SLC1A2: variants seen among roughly 807,000 people sequenced by gnomAD.
SLC1A2 encodes the protein excitatory amino acid transporter 2.
In SLC1A2, 15 loss-of-function variants were observed where a neutral mutation model predicts 48.8. The ratio of observed to expected loss-of-function variants is 0.31; its 90% CI spans 0.21 to 0.47. SLC1A2 has a LOEUF of 0.47. Ranked by LOEUF, SLC1A2 falls within the 20% of genes least tolerant of loss-of-function variation. The probability of loss-of-function intolerance (pLI) is 0.99; values close to 1 mark genes in which losing one functional copy is unlikely to be tolerated. For missense variants in SLC1A2, 502 were observed against 730.5 expected, an observed-to-expected ratio of 0.69 and a Z score of 3.61; for synonymous variants, 279 against 272.6, an observed-to-expected ratio of 1.02 and a Z score of -0.23.
chr11:35,380,983 GA>G (rs1854402743), intron 1 of SLC1A2, among the ~76,000 whole-genome samples: 1 of 152,178 alleles, frequency 6.6e-6, no homozygotes. Context: ...AGAAGGAAAA[GA>G]AAAGAAAACT....
chr11:35,360,972 C>G (rs886350423), intron 1 of SLC1A2, among the ~76,000 whole-genome samples: 1 of 151,982 alleles, frequency 6.6e-6, no homozygotes, highest in Non-Finnish European at 1.5e-5. Context: ...ACCTCCCGGG[C>G]TCAAGTGATT....
chr11:35,314,519 C>T (rs1851806126), intron 3 of SLC1A2, among the ~76,000 whole-genome samples: 1 of 152,088 alleles, frequency 6.6e-6, no homozygotes, highest in Non-Finnish European at 1.5e-5. Flanking sequence ...TCGAGACCAG[C>T]TTGGCCAATA....
At chr11:35,340,992 T>G (rs1304068203) in intron 1 of SLC1A2, among the ~76,000 whole-genome samples, 1 of 152,202 alleles carries the variant, frequency 6.6e-6, no homozygotes, top group Admixed American at 6.5e-5. Flanking sequence ...ACCAGCAGTA[T>G]GTTACTGTGA....
chr11:35,292,467 T>C lies in SLC1A2; in HGVS notation c.911A>G (p.Lys304Arg), dbSNP rs763873231. 1 of 1,613,948 alleles carries C rather than the reference T, an allele frequency of 6.2e-7. No individual in the cohort carries two copies. The highest frequency in any genetic ancestry group is 1.1e-5 in the South Asian group (1 of 91,068). ...TTGCCTAGCAACCACTTCTAAGTCC[T>C]TGATTGCAATGATCTTTCCACAGAT... ...CLICGKIIAI[K>R]DLEVVARQLG... The change falls in exon 7 of 11, where the codon AAG (lysine) becomes AGG (arginine). Residue 304 changes from lysine to arginine, a missense_variant. Coordinates refer to ENST00000278379, the MANE Select transcript of SLC1A2 (RefSeq NM_004171.4).
chr11:35,398,927 G>A (rs997222595), intron 1 of SLC1A2, among the ~76,000 whole-genome samples: 1 of 152,248 alleles, frequency 6.6e-6, no homozygotes, highest in Non-Finnish European at 1.5e-5. Context: ...CTCTGGTGCT[G>A]TGAAATACAT....
Position 35,312,340 on chromosome 11 carries a change from A to G in SLC1A2, c.419T>C (p.Leu140Ser), listed in dbSNP as rs1404726119. The change falls in exon 4 of 11, where the codon TTG becomes TCG. Residue 140 changes from leucine (L) to serine (S), a missense_variant. Leu to Ser is a moderately radical substitution (Grantham distance 145). Transcript: ENST00000278379. ...IAAVLGVILVLAIHPGNPKLK... is the reference protein window; with the variant it reads ...IAAVLGVILVSAIHPGNPKLK... ...CTTGGGATTGCCTGGATGGATAGCC[A>G]AGACCAGAATGACCCCCAGTACTGC... 2 of 1,614,174 alleles carry G rather than the reference A, an allele frequency of 1.2e-6. No individual in the cohort carries two copies.
In SLC1A2 at chr11:35,253,539, GC is replaced by G. The variant is rs1033930942; in HGVS notation, c.*7354del. ...GAGAATGCTCAGCTGGAAAAACAAGGCCTGGTGTCAAACATTTAAAAAATCA... is the reference window on the plus strand; with the variant it reads ...GAGAATGCTCAGCTGGAAAAACAAGGCTGGTGTCAAACATTTAAAAAATCA... On this transcript the variant is annotated 3_prime_UTR_variant, in exon 11 of 11. Transcript: ENST00000278379. 2.0e-5 allele frequency: 3 copies of G among 152,662 alleles called. No homozygotes were observed. The highest frequency in any genetic ancestry group is 7.2e-5 in the African/African-American group (3 of 41,530). 9.5% of individuals were successfully genotyped at this position (152,662 alleles called of 1,614,324 possible). A position where few individuals can be genotyped will look rare whatever the true frequency, so the allele number is the denominator to read the frequency against.
intron 1 of SLC1A2, among the ~76,000 whole-genome samples, chr11:35,403,664 C>G (rs984359012): frequency 3.3e-5 from 5 of 152,070 alleles, no homozygotes; most frequent in Non-Finnish European, 5.9e-5. Context: ...TCCCAGGGTT[C>G]CTATGTTTAT....
intron 1 of SLC1A2, among the ~76,000 whole-genome samples, chr11:35,336,463 A>G (rs1852636218): frequency 6.6e-6 from 1 of 152,236 alleles, no homozygotes; most frequent in Admixed American, 6.5e-5. Context: ...GATATTAATA[A>G]CAGTATTGAT....
rs145440570 is a variant in SLC1A2, at chr11:35,353,186, A to G, written c.18-35670T>C. Among the ~76,000 whole-genome samples, 28 of 152,308 alleles carry G rather than the reference A, an allele frequency of 1.8e-4. 1 individual carries two copies. Among genetic ancestry groups the G allele is most frequent in the African/African-American group, 6.7e-4 (28 of 41,566 alleles). Reference sequence around the variant, plus strand: ...AATTTACAACTAAGGGTGACTTAGAATGGAGTGAATGTGGCTGTTTAGAAA... The same window carrying G: ...AATTTACAACTAAGGGTGACTTAGAGTGGAGTGAATGTGGCTGTTTAGAAA... On this transcript the variant is annotated intron_variant, in intron 1 of 10. Coordinates refer to ENST00000278379, the MANE Select transcript of SLC1A2 (RefSeq NM_004171.4).
chr11:35,263,712 T>C (rs1004764944), intron 10 of SLC1A2, among the ~76,000 whole-genome samples: 2 of 152,224 alleles, frequency 1.3e-5, no homozygotes, highest in African/African-American at 4.8e-5. Context: ...TTTACATAAT[T>C]TTTCCTCATA....
In SLC1A2 at chr11:35,254,088, G is replaced by A. The variant is rs1950280334; in HGVS notation, c.*6806C>T. On this transcript the variant is annotated 3_prime_UTR_variant, in exon 11 of 11. Transcript: ENST00000278379. The stretch of plus-strand genomic sequence containing the variant: ...GATCAGAGGGCAATATATTGTCCCT[G>A]GTAACACAGACTCTTACCAGGAAGC... 1 of 152,500 alleles carries A rather than the reference G, an allele frequency of 6.6e-6. No individual in the cohort carries two copies. Among genetic ancestry groups the A allele is most frequent in the African/African-American group, 2.4e-5 (1 of 41,416 alleles). 9.4% of individuals were successfully genotyped at this position (152,500 alleles called of 1,614,324 possible). A position where few individuals can be genotyped will look rare whatever the true frequency, so the allele number is the denominator to read the frequency against.
At chr11:35,279,309 T>C (rs931576190) in intron 9 of SLC1A2, among the ~76,000 whole-genome samples, 3 of 152,240 alleles carry the variant, frequency 2.0e-5, no homozygotes, top group Non-Finnish European at 4.4e-5. Flanking sequence ...TCGAAGACCA[T>C]CTGGTTAGAC....
Position 35,254,559 on chromosome 11 carries a change from C to A in SLC1A2, c.*6335G>T. 1 of 294,668 alleles carries A rather than the reference C, an allele frequency of 3.4e-6. No homozygotes were observed. Among genetic ancestry groups the A allele is most frequent in the Non-Finnish European group, 6.6e-6 (1 of 150,878 alleles). The allele number at this position is 294,668 out of a possible 1,614,324, so 18.3% of individuals were successfully genotyped here. On this transcript the variant is annotated 3_prime_UTR_variant, in exon 11 of 11. Transcript: ENST00000278379. Reference sequence around the variant, plus strand: ...AGGCAACAGGCTGTTTCCAGGCAGGCAAAATGGTTGCCATGAGAAGAAACA... The same window carrying A: ...AGGCAACAGGCTGTTTCCAGGCAGGAAAAATGGTTGCCATGAGAAGAAACA...
chr11:35,284,110 T>TATATATATATATATATATATATATATAA (rs539270363), intron 8 of SLC1A2, among the ~76,000 whole-genome samples: 52 of 141,102 alleles, frequency 3.7e-4, no homozygotes, highest in African/African-American at 1.3e-3. Context: ...TATATATATA[T>TATATATATATATATATATATATATATAA]AAATTATTAT....
chr11:35,303,480 C>G (rs1018657476), intron 5 of SLC1A2, among the ~76,000 whole-genome samples: 1 of 152,172 alleles, frequency 6.6e-6, no homozygotes, highest in Non-Finnish European at 1.5e-5. Flanking sequence ...CAGTAATGTA[C>G]AAAATCAATT....
At chr11:35,399,216 C>G (rs1203360315) in intron 1 of SLC1A2, among the ~76,000 whole-genome samples, 1 of 152,160 alleles carries the variant, frequency 6.6e-6, no homozygotes, top group Admixed American at 6.5e-5. Flanking sequence ...ACCCTGCTGT[C>G]CTCCCAATTT....
chr11:35,382,923 C>A lies in SLC1A2; in HGVS notation c.17+36027G>T, dbSNP rs990353665. Reference sequence around the variant, plus strand: ...TTAAATGTTTCTTTTGAATCTGAATCTGAAAACTGATCCTGCTTTTCCTAC... The same window carrying A: ...TTAAATGTTTCTTTTGAATCTGAATATGAAAACTGATCCTGCTTTTCCTAC... On this transcript the variant is annotated intron_variant, in intron 1 of 10. Coordinates refer to ENST00000278379, the MANE Select transcript of SLC1A2 (RefSeq NM_004171.4). Among the ~76,000 whole-genome samples, 16 of 152,134 alleles carry A rather than the reference C, an allele frequency of 1.1e-4. 1 individual carries two copies. The highest frequency in any genetic ancestry group is 3.9e-4 in the African/African-American group (16 of 41,426).
chr11:35,370,571 G>A (rs1009908717), intron 1 of SLC1A2, among the ~76,000 whole-genome samples: 1 of 152,152 alleles, frequency 6.6e-6, no homozygotes, highest in Non-Finnish European at 1.5e-5. Flanking sequence ...GGTACATATG[G>A]GTTGGAGGAG....
Sources: allele counts gnomAD v4.1 joint callset (sites outside exome capture counted in the v4.1 genomes callset), GRCh38; gene constraint gnomAD v4.1.1; transcripts MANE v1.5; gene names NCBI Gene and HGNC (gene_info 2026-07-23, HGNC 2026-07-21).